The following ABCC12 variants were observed in gnomAD, a reference collection of about 807,000 sequenced individuals.
ABCC12 encodes ATP binding cassette subfamily C member 12, also known as ATP-binding cassette sub-family C member 12.
In ABCC12, 142 loss-of-function variants were observed where a neutral mutation model predicts 151.1. That is an observed-to-expected ratio of 0.94 (90% confidence interval 0.82 to 1.08). ABCC12 has a LOEUF of 1.08. Among genes scored for constraint, ABCC12 ranks in the 50% least tolerant of loss-of-function variants. The pLI is 0.00. For missense variants in ABCC12, 1,638 were observed against 1,691.1 expected, an observed-to-expected ratio of 0.97 and a Z score of 0.55; for synonymous variants, 645 against 646.4, an observed-to-expected ratio of 1.00 and a Z score of 0.03.
At chr16:48,087,806 A>C in intron 27 of ABCC12, 120 bp downstream of exon 27, 1 of 1,106,950 alleles carries the variant, frequency 9.0e-7, no homozygotes. Context: ...CCCCTGGGAT[A>C]CTGCTTCCCT....
At chr16:48,145,234 G>A (rs1284491095) in intron 3 of ABCC12, among the ~76,000 whole-genome samples, 2 of 152,172 alleles carry the variant, frequency 1.3e-5, no homozygotes, top group Non-Finnish European at 2.9e-5. Flanking sequence ...AGAAGATAAC[G>A]CAGTGTCCGC....
At chr16:48,136,183 T>G (rs1371718779) in intron 8 of ABCC12, among the ~76,000 whole-genome samples, 1 of 152,220 alleles carries the variant, frequency 6.6e-6, no homozygotes, top group African/African-American at 2.4e-5. Context: ...ATCCAAGCTC[T>G]GCTATCCAGG....
chr16:48,155,208 AG>A (rs1319353463), intron 1 of ABCC12, among the ~76,000 whole-genome samples: 16 of 152,152 alleles, frequency 1.1e-4, no homozygotes, highest in Non-Finnish European at 2.4e-4. Context: ...CTTTTGCTCA[AG>A]TACCCTCATC....
chr16:48,097,679 T>C (rs1003991193), intron 23 of ABCC12, among the ~76,000 whole-genome samples: 9 of 152,134 alleles, frequency 5.9e-5, no homozygotes, highest in East Asian at 1.9e-4. Context: ...AGGGCTGAGA[T>C]AGCAGAAGGA....
At chr16:48,140,978 G>A (rs1964790140) in intron 5 of ABCC12, 58 bp from the exon 6 acceptor site, 3 of 1,514,864 alleles carry the variant, frequency 2.0e-6, no homozygotes, top group Admixed American at 1.7e-5. Flanking sequence ...GCTGGCATAG[G>A]AGGCCTCAGA....
chr16:48,141,003 T>G (rs1964790998), intron 5 of ABCC12, 83 bp from the exon 6 acceptor site: 8 of 1,448,480 alleles, frequency 5.5e-6, no homozygotes, highest in African/African-American at 1.4e-5. Flanking sequence ...GCCAGCAAGC[T>G]GACTTTAAGA....
In ABCC12 at chr16:48,140,846, G is replaced by A; in HGVS notation, c.498C>T (p.Cys166=). The change falls in exon 6 of 31, where the codon TGC becomes TGT. Residue 166 remains cysteine (C), a synonymous_variant. Transcript: ENST00000311303. ...SGKVWVGIGL[C]IALFATEFTK... is the part of the protein sequence containing the mutation. ...TAAACTCGGTGGCAAAAAGGGCTAT[G>A]CACAGTCCAATGCCAACCCAGACTT... 1 of 1,614,172 alleles carries A rather than the reference G, an allele frequency of 6.2e-7. No homozygotes were observed. Among genetic ancestry groups the A allele is most frequent in the African/African-American group, 1.3e-5 (1 of 75,036 alleles).
chr16:48,141,806 G>T (rs529658570), intron 4 of ABCC12, among the ~76,000 whole-genome samples: 1 of 152,302 alleles, frequency 6.6e-6, no homozygotes, highest in African/African-American at 2.4e-5. Context: ...GACCTTGGGG[G>T]ACTTCACAAG....
chr16:48,137,751 TA>T (rs35526911), intron 8 of ABCC12, among the ~76,000 whole-genome samples: 2 of 152,178 alleles, frequency 1.3e-5, no homozygotes, highest in South Asian at 2.1e-4. Context: ...ATATCAGCTT[TA>T]AAAAAAGTAA....
chr16:48,108,654 C>T, intron 18 of ABCC12, 125 bp from the exon 19 acceptor site: 2 of 683,486 alleles, frequency 2.9e-6, no homozygotes, highest in South Asian at 3.7e-5. Flanking sequence ...TTCCACTCGT[C>T]CCATGCTCTC....
rs141924237 is a variant in ABCC12, at chr16:48,098,494, C to G, written c.3039-1592G>C. On this transcript the variant is annotated intron_variant, in intron 23 of 30. Transcript: ENST00000311303. ...CCGCCCTGGGCTCTGCTGCCCTCTC[C>G]TCCTCTCTGTTTCAACTCTAACTTA... Among the ~76,000 whole-genome samples, 896 of 152,306 alleles carry G rather than the reference C, an allele frequency of 5.9e-3. 7 individuals are homozygous for G. The highest frequency in any genetic ancestry group is 0.031 in the Middle Eastern group (9 of 294).
intron 26 of ABCC12, 94 bp from the exon 27 acceptor site, chr16:48,088,179 C>CA (rs1962707408): frequency 1.5e-6 from 2 of 1,370,414 alleles, no homozygotes; most frequent in Non-Finnish European, 2.0e-6. Context: ...TAATGCAATG[C>CA]AAATGTCTCC....
At chr16:48,109,802 G>A (rs1443143528) in intron 18 of ABCC12, among the ~76,000 whole-genome samples, 1 of 152,242 alleles carries the variant, frequency 6.6e-6, no homozygotes, top group African/African-American at 2.4e-5. Flanking sequence ...CCCGCAGGCT[G>A]GGGCAGGAGT....
Position 48,139,247 on chromosome 16 carries a change from G to C in ABCC12, c.747C>G (p.Val249=). The change falls in exon 7 of 31, where the codon GTC becomes GTG. Residue 249 remains valine, a synonymous_variant. Coordinates refer to ENST00000311303, the MANE Select transcript of ABCC12 (RefSeq NM_001393797.1). ...TGAAAAAGGCGTACGCCGCACAAAA[G>C]ACCATTAGGATCGGGATGGTGGCTG... ...PLPATIPILM[V]FCAAYAFFIL... 6.2e-7 allele frequency: 1 copy of C among 1,614,170 alleles called. No individual in the cohort carries two copies.
intron 1 of ABCC12, among the ~76,000 whole-genome samples, chr16:48,154,292 T>G (rs546488007): frequency 1.3e-5 from 2 of 152,298 alleles, no homozygotes; most frequent in African/African-American, 4.8e-5. Context: ...CAACTTGCAG[T>G]TCCATTTTAT....
Position 48,111,126 on chromosome 16 carries a change from G to A in ABCC12, c.2281+310C>T, listed in dbSNP as rs1408861457. On this transcript the variant is annotated intron_variant, in intron 18 of 30. Coordinates refer to ENST00000311303, the MANE Select transcript of ABCC12 (RefSeq NM_001393797.1). Reference sequence around the variant, plus strand: ...CATCACTGTGTGTCAGGCAGTGTGCGAATCATTTTATGTTCATTTTCTCAT... The same window carrying A: ...CATCACTGTGTGTCAGGCAGTGTGCAAATCATTTTATGTTCATTTTCTCAT... Among the ~76,000 whole-genome samples, 5 of 152,302 alleles carry A rather than the reference G, an allele frequency of 3.3e-5. No individual in the cohort carries two copies. In the South Asian group the frequency reaches 8.3e-4, roughly 25 times the overall value.
In ABCC12 at chr16:48,107,443, A is replaced by C. The variant is rs1256067493; in HGVS notation, c.2372-18T>G. On this transcript the variant is annotated intron_variant, in intron 19 of 30. Coordinates refer to ENST00000311303, the MANE Select transcript of ABCC12 (RefSeq NM_001393797.1). Reference sequence around the variant, plus strand: ...GAGGTACCCTGCAAGAGGAGCGGAGAGGCCCAAGGGGCTGCAGACATGAGC... The same window carrying C: ...GAGGTACCCTGCAAGAGGAGCGGAGCGGCCCAAGGGGCTGCAGACATGAGC... 6.2e-7 allele frequency: 1 copy of C among 1,608,744 alleles called. No homozygotes were observed. The highest frequency in any genetic ancestry group is 8.5e-7 in the Non-Finnish European group (1 of 1,175,234).
rs141359935 is a variant in ABCC12, at chr16:48,132,140, T to C, written c.1129-1245A>G. Among the ~76,000 whole-genome samples the C allele has an allele frequency of 6.5e-3, 986 of 152,336 alleles. 10 individuals carry two copies. The highest frequency in any genetic ancestry group is 0.023 in the African/African-American group (947 of 41,572). ...TTTGATTTCAAGTTGATTTGCTTGA[T>C]ATGTTGCTGGAGGAAAAAAATAGTT... On this transcript the variant is annotated intron_variant, in intron 9 of 30. Transcript: ENST00000311303.
intron 22 of ABCC12, among the ~76,000 whole-genome samples, chr16:48,103,860 G>C (rs1251952029): frequency 6.6e-6 from 1 of 152,216 alleles, no homozygotes; most frequent in Non-Finnish European, 1.5e-5. Context: ...AGCAACGGTA[G>C]AGCCCCATGG....
Sources: gnomAD v4.1 joint callset for allele counts (sites outside exome capture counted in the v4.1 genomes callset) on GRCh38, gnomAD v4.1.1 for gene constraint, MANE v1.5 for transcripts, NCBI Gene and HGNC (gene_info 2026-07-23, HGNC 2026-07-21) for gene names.